TJP2: variants seen among roughly 807,000 people sequenced by gnomAD.
TJP2 encodes Friedreich ataxia region gene X104 (tight junction protein ZO-2).
TJP2 carries 91 observed loss-of-function variants against 133.1 expected under a neutral mutation model. The ratio of observed to expected loss-of-function variants is 0.68; its 90% CI spans 0.58 to 0.81. The LOEUF is 0.81. Ranked by LOEUF, TJP2 falls within the 40% of genes least tolerant of loss-of-function variation. The pLI is 0.00. For missense variants in TJP2, 1,541 were observed against 1,565.6 expected (o/e 0.98, Z 0.26); for synonymous variants, 592 against 583.4 (o/e 1.01, Z -0.21).
At chr9:69,151,358 G>C (rs553780689) in intron 1 of TJP2, among the ~76,000 whole-genome samples, 2 of 152,034 alleles carry the variant, frequency 1.3e-5, no homozygotes, top group Non-Finnish European at 2.9e-5. Flanking sequence ...GCGCATGCCT[G>C]TAATCCCAGC....
rs1831582135 is a variant in TJP2, at chr9:69,254,714, T to C, written c.*340T>C. On this transcript the variant is annotated 3_prime_UTR_variant, in exon 23 of 23. Coordinates refer to ENST00000377245, the MANE Select transcript of TJP2 (RefSeq NM_004817.4). ...AAGAAGCAATAACTATTTTTCCTCA[T>C]TAATAGCTGCCTTCAAGGACTGTTT... 1 of 562,782 alleles carries C rather than the reference T, an allele frequency of 1.8e-6. No individual in the cohort carries two copies. The highest frequency in any genetic ancestry group is 2.8e-5 in the East Asian group (1 of 35,608). The allele number at this position is 562,782 out of a possible 1,614,324, so 34.9% of individuals were successfully genotyped here. A position where few individuals can be genotyped will look rare whatever the true frequency, so the allele number is the denominator to read the frequency against.
intron 2 of TJP2, among the ~76,000 whole-genome samples, chr9:69,213,837 T>C (rs966893082): frequency 6.6e-6 from 1 of 152,198 alleles, no homozygotes; most frequent in African/African-American, 2.4e-5. Context: ...GAGCTGCCTC[T>C]GTCTAAAACC....
At chr9:69,185,236 A>AT (rs1453117438) in intron 1 of TJP2, among the ~76,000 whole-genome samples, 1 of 151,786 alleles carries the variant, frequency 6.6e-6, no homozygotes, top group African/African-American at 2.4e-5. Context: ...TAATTTTTGT[A>AT]TTTTTAGTAG....
intron 16 of TJP2, among the ~76,000 whole-genome samples, 199 bp from the exon 17 acceptor site, chr9:69,239,738 C>G (rs1264714430): frequency 6.6e-6 from 1 of 151,544 alleles, no homozygotes. Context: ...TGCTTGAACC[C>G]GGGAGGCGGA....
At chr9:69,252,933 CG>C in intron 22 of TJP2, 33 bp downstream of exon 22, 1 of 1,599,300 alleles carries the variant, frequency 6.3e-7, no homozygotes, top group African/African-American at 1.3e-5. Flanking sequence ...AGGTCTAAGG[CG>C]GGGACTTCTC....
intron 2 of TJP2, among the ~76,000 whole-genome samples, chr9:69,162,187 GTATTA>G (rs1326694161): frequency 2.0e-5 from 3 of 146,642 alleles, no homozygotes; most frequent in Non-Finnish European, 4.5e-5. Flanking sequence ...GTATAATTTT[GTATTA>G]TATATTATAT....
chr9:69,212,066 G>A (rs1480436668), intron 1 of TJP2, among the ~76,000 whole-genome samples: 2 of 152,188 alleles, frequency 1.3e-5, no homozygotes, highest in Non-Finnish European at 2.9e-5. Context: ...CAGTGATACA[G>A]ATGGAGAAAA....
intron 6 of TJP2, among the ~76,000 whole-genome samples, chr9:69,225,613 AAAC>A (rs1300305397): frequency 3.4e-5 from 5 of 148,022 alleles, no homozygotes; most frequent in Admixed American, 6.7e-5. Flanking sequence ...TAGAAAACAA[AAAC>A]AAAAAAACTC....
At chr9:69,210,288 C>CT (rs1827780132) in intron 1 of TJP2, among the ~76,000 whole-genome samples, 2 of 28,366 alleles carry the variant, frequency 7.1e-5, no homozygotes, top group Non-Finnish European at 1.7e-4. Flanking sequence ...GACCCCGTCC[C>CT]CCCCCCCCCC....
chr9:69,249,681 G>A (rs1831191385), intron 20 of TJP2, 196 bp downstream of exon 20: 1 of 985,300 alleles, frequency 1.0e-6, no homozygotes, highest in Non-Finnish European at 1.2e-6. Context: ...AGGAAGGAAA[G>A]GCAATATTAG....
chr9:69,227,734 T>C (rs1251916609), intron 7 of TJP2, 31 bp from the exon 8 acceptor site: 2 of 1,422,162 alleles, frequency 1.4e-6, no homozygotes, highest in Admixed American at 1.7e-5. Context: ...AAATATTTTA[T>C]TTAAAAGTCT....
At chr9:69,140,091 T>C (rs1822950117) in intron 1 of TJP2, among the ~76,000 whole-genome samples, 1 of 152,194 alleles carries the variant, frequency 6.6e-6, no homozygotes, top group Non-Finnish European at 1.5e-5. Flanking sequence ...TAAGTCATCG[T>C]GTTCCAGTTT....
intron 19 of TJP2, chr9:69,248,874 A>C: frequency 3.0e-6 from 3 of 991,386 alleles, no homozygotes; most frequent in Non-Finnish European, 3.6e-6. Context: ...TGAAGATGGG[A>C]TTGTTCATAT....
At chr9:69,211,211 C>T (rs1827883891) in intron 1 of TJP2, among the ~76,000 whole-genome samples, 1 of 152,118 alleles carries the variant, frequency 6.6e-6, no homozygotes, top group Admixed American at 6.6e-5. Context: ...GTAGTGCGCA[C>T]CTGTAATCCT....
intron 1 of TJP2, among the ~76,000 whole-genome samples, chr9:69,204,242 T>C (rs1359033846): frequency 1.3e-5 from 2 of 152,210 alleles, no homozygotes; most frequent in Non-Finnish European, 2.9e-5. Context: ...GGCCATCTCA[T>C]GGTCCAGATT....
chr9:69,190,293 A>G (rs906560257), intron 1 of TJP2, among the ~76,000 whole-genome samples: 1 of 152,208 alleles, frequency 6.6e-6, no homozygotes, highest in African/African-American at 2.4e-5. Context: ...TGCCCAATAC[A>G]TGTGTTGGTA....
chr9:69,225,432 G>C (rs1048929179), intron 6 of TJP2, 25 bp downstream of exon 6: 1 of 1,502,072 alleles, frequency 6.7e-7, no homozygotes, highest in Non-Finnish European at 9.3e-7. Context: ...GCAGAGAACG[G>C]TAGTGTGCAT....
chr9:69,198,034 G>A (rs989174928), intron 1 of TJP2, among the ~76,000 whole-genome samples: 4 of 152,162 alleles, frequency 2.6e-5, no homozygotes, highest in Non-Finnish European at 5.9e-5. Flanking sequence ...GCGCAGTCTT[G>A]GATGGAGGTC....
intron 1 of TJP2, chr9:69,145,894 A>G: frequency 1.1e-6 from 1 of 879,452 alleles, no homozygotes. Context: ...CCATATAGAA[A>G]AAAGGGTCCT....
Sources: allele counts gnomAD v4.1 joint callset (sites outside exome capture counted in the v4.1 genomes callset), GRCh38; gene constraint gnomAD v4.1.1; transcripts MANE v1.5; gene names NCBI Gene and HGNC (gene_info 2026-07-23, HGNC 2026-07-21).